Variants in NDRG4 observed in about 807,000 individuals in gnomAD.
NDRG4 encodes protein NDRG4.
A neutral mutation model predicts 55.8 loss-of-function variants in NDRG4; 38 were observed. The ratio of observed to expected loss-of-function variants is 0.68; its 90% CI spans 0.53 to 0.89. NDRG4 has a LOEUF of 0.89. NDRG4 is among the 40% of genes least tolerant of loss of function. NDRG4 has a pLI of 0.00. For synonymous variants in NDRG4, 190 were observed against 182.7 expected, an observed-to-expected ratio of 1.04 and a Z score of -0.32; for missense variants, 455 against 468.6, an observed-to-expected ratio of 0.97 and a Z score of 0.27.
intron 1 of NDRG4, chr16:58,502,223 T>C (rs2037251753): frequency 2.9e-6 from 1 of 343,230 alleles, no homozygotes; most frequent in Admixed American, 3.6e-5. Context: ...ATGAGAAAAC[T>C]GTGGGTCAGT....
intron 5 of NDRG4, among the ~76,000 whole-genome samples, chr16:58,505,362 A>G (rs2037776599): frequency 6.7e-6 from 1 of 149,876 alleles, no homozygotes; most frequent in South Asian, 2.1e-4. Flanking sequence ...AAAATAAAAA[A>G]ATAAAAAAAA....
Position 58,512,540 on chromosome 16 carries a change from C to T in NDRG4, c.*964C>T, listed in dbSNP as rs1055561131. On this transcript the variant is annotated 3_prime_UTR_variant, in exon 15 of 15. Transcript: ENST00000570248. ...CAGGCAGAGCTCTGGCCAGGCTGTG[C>T]CAGTGTGTCCCGGACGCATCACTAA... 2.4e-5 allele frequency: 5 copies of T among 212,078 alleles called. No individual in the cohort carries two copies. In the South Asian group the frequency reaches 3.1e-4, roughly 13 times the overall value. The allele number at this position is 212,078 out of a possible 1,614,324, so 13.1% of individuals were successfully genotyped here. A position where few individuals can be genotyped will look rare whatever the true frequency, so the allele number is the denominator to read the frequency against.
intron 1 of NDRG4, among the ~76,000 whole-genome samples, chr16:58,467,982 C>T (rs2032036080): frequency 6.6e-6 from 1 of 152,212 alleles, no homozygotes; most frequent in Admixed American, 6.5e-5. Flanking sequence ...GTTCTCACAA[C>T]AGTCCAGGCC....
intron 1 of NDRG4, among the ~76,000 whole-genome samples, chr16:58,466,866 T>C (rs994731405): frequency 6.6e-6 from 1 of 152,192 alleles, no homozygotes; most frequent in Admixed American, 6.5e-5. Context: ...GCTGAGATAG[T>C]GTAGGCGACA....
chr16:58,510,262 A>C (rs1013272680), intron 13 of NDRG4, among the ~76,000 whole-genome samples: 4 of 152,224 alleles, frequency 2.6e-5, no homozygotes, highest in Non-Finnish European at 5.9e-5. Context: ...GGTGAACGGA[A>C]GAACATTGTC....
Position 58,464,869 on chromosome 16 carries a change from C to T in NDRG4, c.-24+1072C>T. 8.3e-7 allele frequency: 1 copy of T among 1,198,248 alleles called. No homozygotes were observed. The highest frequency in any genetic ancestry group is 1.7e-5 in the South Asian group (1 of 59,132). The allele number at this position is 1,198,248 out of a possible 1,614,324, so 74.2% of individuals were successfully genotyped here. The stretch of plus-strand genomic sequence containing the variant: ...TTTCTGCGCCCTGTGACAATCTGAG[C>T]CGTCTTTCTCTGGGGGAGAAGTTTC... On this transcript the variant is annotated intron_variant, in intron 1 of 15. Coordinates refer to the NDRG4 transcript ENST00000258187. The surrounding 1 kb of genome is among the most constrained non-coding windows in gnomAD (Gnocchi z 4.8).
chr16:58,501,150 C>T, intron 1 of NDRG4: 1 of 1,055,916 alleles, frequency 9.5e-7, no homozygotes, highest in Non-Finnish European at 1.2e-6. Context: ...GCCCCACACG[C>T]CTGCCCTGCC....
In NDRG4 at chr16:58,510,972, C is replaced by T. The variant is rs866014734; in HGVS notation, c.904+289C>T. ...TTAGAGGTAGAGCCCAGGCCTGGCC[C>T]TGCCTGAGCCACATAGGTGGCCAGG... On this transcript the variant is annotated intron_variant, in intron 14 of 14. Transcript: ENST00000570248. 1.0e-4 allele frequency: 56 copies of T among 544,956 alleles called. No homozygotes were observed. In the Middle Eastern group the frequency reaches 1.5e-3, roughly 14 times the overall value. 33.8% of individuals were successfully genotyped at this position (544,956 alleles called of 1,614,324 possible).
At chr16:58,506,160 G>A in intron 5 of NDRG4, 1 of 665,478 alleles carries the variant, frequency 1.5e-6, no homozygotes, top group Non-Finnish European at 2.8e-6. Flanking sequence ...GTGTGTGTCT[G>A]TGTGTGTGTA....
chr16:58,500,096 G>A (rs2036875721), upstream of NDRG4: 1 of 1,514,360 alleles, frequency 6.6e-7, no homozygotes, highest in Non-Finnish European at 8.8e-7. Context: ...GGCTAGCTAG[G>A]CTGGGCCAGG....
Position 58,503,903 on chromosome 16 carries a change from C to G in NDRG4, c.127C>G (p.His43Asp), listed in dbSNP as rs375101369. 1.2e-6 allele frequency: 2 copies of G among 1,613,562 alleles called. No homozygotes were observed. The highest frequency in any genetic ancestry group is 1.7e-5 in the Admixed American group (1 of 60,018). The change falls in exon 2 of 15, where the codon CAC (histidine) becomes GAC (aspartate). Residue 43 changes from histidine to aspartate, a missense_variant and splice_region_variant. Physicochemically the swap from His to Asp is moderately conservative, Grantham distance 81. Coordinates refer to ENST00000570248, the MANE Select transcript of NDRG4 (RefSeq NM_001242835.2). The part of the protein sequence containing the change: ...ILTYHDVGLN[H>D]KLCFNTFFNF... ...CACCTACCATGATGTGGGCCTCAAC[C>G]GTAAGTGCAGCCCAGCCTCAGTCAG...
chr16:58,487,447 G>C (rs1367825930), intron 1 of NDRG4, among the ~76,000 whole-genome samples: 1 of 152,156 alleles, frequency 6.6e-6, no homozygotes, highest in African/African-American at 2.4e-5. Context: ...TTGAACTCAG[G>C]AGGCGAAGGT....
intron 1 of NDRG4, chr16:58,487,748 C>G: frequency 6.6e-7 from 1 of 1,526,314 alleles, no homozygotes; most frequent in Admixed American, 2.0e-5. Context: ...CTCGCCCTCC[C>G]TCCCTAGGCC....
chr16:58,465,987 A>AGG (rs71155269), intron 1 of NDRG4, among the ~76,000 whole-genome samples: 2 of 152,130 alleles, frequency 1.3e-5, no homozygotes, highest in Non-Finnish European at 2.9e-5. Context: ...AACCCCCTGG[A>AGG]GGGAAGGCTT....
chr16:58,503,561 A>C, intron 1 of NDRG4: 1 of 769,596 alleles, frequency 1.3e-6, no homozygotes. Flanking sequence ...GTTTGCAGAG[A>C]GGACCAGACC....
At chr16:58,507,265 A>C (rs2038164868) in intron 8 of NDRG4, 3 of 535,482 alleles carry the variant, frequency 5.6e-6, no homozygotes, top group Non-Finnish European at 1.0e-5. Flanking sequence ...CCGCTTGGGA[A>C]TGTTGGGGGT....
rs2035255190 is a variant in NDRG4 at position 58,487,635 on chromosome 16, T to C, written c.-23-121T>C. 7.1e-6 allele frequency: 5 copies of C among 703,744 alleles called. No homozygotes were observed. In the African/African-American group the frequency reaches 7.3e-5, roughly 10 times the overall value. The allele number at this position is 703,744 out of a possible 1,614,324, so 43.6% of individuals were successfully genotyped here. A position where few individuals can be genotyped will look rare whatever the true frequency, so the allele number is the denominator to read the frequency against. On this transcript the variant is annotated intron_variant, in intron 1 of 15. Transcript: ENST00000258187. ...CCTAAGTGCCTGAGTGGGCTGCGCTTGGGGGCCAGGGGGACAGTGCATCTG... is the reference window on the plus strand; with the variant it reads ...CCTAAGTGCCTGAGTGGGCTGCGCTCGGGGGCCAGGGGGACAGTGCATCTG...
chr16:58,492,164 T>A lies in NDRG4; in HGVS notation c.73-2800T>A, dbSNP rs548404118. On this transcript the variant is annotated intron_variant, in intron 2 of 15. Transcript: ENST00000258187. Reference sequence around the variant, plus strand: ...TGGGAAGTGAGGATTTCCACACATCTACTCACAGCCTGCCCGCCCACTGCT... The same window carrying A: ...TGGGAAGTGAGGATTTCCACACATCAACTCACAGCCTGCCCGCCCACTGCT... 7.9e-5 allele frequency among the ~76,000 whole-genome samples: 12 copies of A among 152,318 alleles called. No individual in the cohort carries two copies. The East Asian group carries it at 2.3e-3, about 29-fold the overall frequency.
intron 14 of NDRG4, 143 bp from the exon 15 acceptor site, chr16:58,511,279 G>C (rs1358855150): frequency 2.1e-6 from 2 of 951,078 alleles, no homozygotes; most frequent in Non-Finnish European, 3.1e-6. Flanking sequence ...CCCGACAGCT[G>C]TCGCCAGCCT....
Sources: gnomAD v4.1 joint callset for allele counts (sites outside exome capture counted in the v4.1 genomes callset) on GRCh38, gnomAD v4.1.1 for gene constraint, Gnocchi (gnomAD v3.1) non-coding constraint, MANE v1.5 for transcripts, NCBI Gene and HGNC (gene_info 2026-07-23, HGNC 2026-07-21) for gene names.